SLC35E3: variants seen among roughly 807,000 people sequenced by gnomAD.
SLC35E3 encodes solute carrier family 35 member E3.
A neutral mutation model predicts 30.8 loss-of-function variants in SLC35E3; 28 were observed. That is an observed-to-expected ratio of 0.91 (90% CI 0.67 to 1.25). The LOEUF (loss-of-function observed/expected upper bound fraction) is 1.25, where lower values mean the gene tolerates loss of function less well. Among genes scored for constraint, SLC35E3 ranks in the 50% most tolerant of loss-of-function variants. The probability of loss-of-function intolerance (pLI) is 0.00; values close to 1 mark genes in which losing one functional copy is unlikely to be tolerated. For missense variants in SLC35E3, 365 were observed against 375.4 expected, an observed-to-expected ratio of 0.97 and a Z score of 0.23; for synonymous variants, 146 against 149.2, an observed-to-expected ratio of 0.98 and a Z score of 0.16.
rs1043949268 is a variant in SLC35E3 at position 68,771,972 on chromosome 12, A to G, written c.*7082A>G. The G allele has an allele frequency of 2.0e-5, 3 of 152,162 alleles. No individual in the cohort carries two copies. The East Asian group carries it at 5.8e-4, about 29-fold the overall frequency. The allele number at this position is 152,162 out of a possible 1,614,324, so 9.4% of individuals were successfully genotyped here. On this transcript the variant is annotated 3_prime_UTR_variant, in exon 5 of 5. Coordinates refer to ENST00000398004, the MANE Select transcript of SLC35E3 (RefSeq NM_018656.5). ...AAATTATAATTTCTCATTTGCTTATAATAAAAGTAGATTGAATAAATTAAT... is the reference window on the plus strand; with the variant it reads ...AAATTATAATTTCTCATTTGCTTATGATAAAAGTAGATTGAATAAATTAAT...
chr12:68,755,357 CTT>C (rs983305417), intron 3 of SLC35E3, among the ~76,000 whole-genome samples: 1 of 152,186 alleles, frequency 6.6e-6, no homozygotes, highest in Non-Finnish European at 1.5e-5. Context: ...GTGGGAATAT[CTT>C]TTTTGTTGGT....
Position 68,764,689 on chromosome 12 carries a change from A to T in SLC35E3, c.756-15A>T. 6.2e-7 allele frequency: 1 copy of T among 1,610,450 alleles called. No homozygotes were observed. Among genetic ancestry groups the T allele is most frequent in the Non-Finnish European group, 8.5e-7 (1 of 1,177,730 alleles). ...TATCTTGTTATTCCTTTTTATCCTT[A>T]TCCAAAAACCTCAGCTATAACATGT... is the stretch of plus-strand genomic sequence containing the variant. On this transcript the variant is annotated splice_polypyrimidine_tract_variant and intron_variant, in intron 4 of 4. Coordinates refer to ENST00000398004, the MANE Select transcript of SLC35E3 (RefSeq NM_018656.5).
Position 68,759,109 on chromosome 12 carries a change from T to A in SLC35E3, c.673-48T>A, listed in dbSNP as rs182549909. The A allele has an allele frequency of 3.2e-4, 392 of 1,214,096 alleles. 1 individual carries two copies. Among genetic ancestry groups the A allele is most frequent in the African/African-American group, 2.0e-3 (134 of 65,996 alleles). The allele number at this position is 1,214,096 out of a possible 1,614,324, so 75.2% of individuals were successfully genotyped here. A position where few individuals can be genotyped will look rare whatever the true frequency, so the allele number is the denominator to read the frequency against. ...AATGAAATGTATCTTTGCTTGATGA[T>A]TATGATTGCAGTGCTTTGCATTAAT... On this transcript the variant is annotated intron_variant, in intron 3 of 4. Coordinates refer to ENST00000398004, the MANE Select transcript of SLC35E3 (RefSeq NM_018656.5).
chr12:68,771,625 G>C lies in SLC35E3; in HGVS notation c.*6735G>C, dbSNP rs1328316661. 2.0e-5 allele frequency: 3 copies of C among 152,150 alleles called. No individual in the cohort carries two copies. Among genetic ancestry groups the C allele is most frequent in the Admixed American group, 2.0e-4 (3 of 15,276 alleles). The allele number at this position is 152,150 out of a possible 1,614,324, so 9.4% of individuals were successfully genotyped here. ...TCTTGAGCTCAGGAGTTCAAGACCA[G>C]CCTGGGCATCATGGCAAAACCCTGT... On this transcript the variant is annotated 3_prime_UTR_variant, in exon 5 of 5. Transcript: ENST00000398004.
At chr12:68,755,348 T>C (rs1391624667) in intron 3 of SLC35E3, among the ~76,000 whole-genome samples, 2 of 152,116 alleles carry the variant, frequency 1.3e-5, no homozygotes, top group Non-Finnish European at 2.9e-5. Context: ...ACACAGTCAG[T>C]GGGAATATCT....
In SLC35E3 at chr12:68,778,843, GCC is replaced by G. The variant is rs1879810922; in HGVS notation, c.*13954_*13955del. 1 of 151,882 alleles carries G rather than the reference GCC, an allele frequency of 6.6e-6. No individual in the cohort carries two copies. The highest frequency in any genetic ancestry group is 2.4e-5 in the African/African-American group (1 of 41,322). The allele number at this position is 151,882 out of a possible 1,614,324, so 9.4% of individuals were successfully genotyped here. Reference sequence around the variant, plus strand: ...CTTATGGCTGGATGCAGTGGCTCACGCCTGTAATCCCAGCACTTTGGGAGGCC... The same window carrying G: ...CTTATGGCTGGATGCAGTGGCTCACGTGTAATCCCAGCACTTTGGGAGGCC... On this transcript the variant is annotated 3_prime_UTR_variant, in exon 5 of 5. Transcript: ENST00000398004.
In SLC35E3 at chr12:68,764,824, C is replaced by T. The variant is rs767661724; in HGVS notation, c.876C>T (p.Leu292=). ...LGILCTLFGI[L]AYTHFKLSEQ... ...TTTTATGTACATTATTTGGCATTCT[C>T]GCCTATACCCACTTTAAGCTCAGTG... is the stretch of plus-strand genomic sequence containing the variant. Residue 292 remains leucine, a synonymous_variant, in exon 5 of 5, where the codon CTC becomes CTT. Coordinates refer to ENST00000398004, the MANE Select transcript of SLC35E3 (RefSeq NM_018656.5). The T allele has an allele frequency of 2.0e-5, 32 of 1,614,014 alleles. No individual in the cohort carries two copies. In the Admixed American group the frequency reaches 3.2e-4, roughly 16 times the overall value.
chr12:68,758,882 C>T (rs1317727762), intron 3 of SLC35E3, among the ~76,000 whole-genome samples: 1 of 151,640 alleles, frequency 6.6e-6, no homozygotes, highest in Non-Finnish European at 1.5e-5. Flanking sequence ...GCTGGGACTA[C>T]AGGCGCCCGC....
At chr12:68,751,465 T>A (rs1298086618) in intron 2 of SLC35E3, among the ~76,000 whole-genome samples, 1 of 152,092 alleles carries the variant, frequency 6.6e-6, no homozygotes, top group African/African-American at 2.4e-5. Context: ...CCCAGCTAAT[T>A]GTATTTTTAG....
At chr12:68,763,225 T>C (rs1463026999) in intron 4 of SLC35E3, among the ~76,000 whole-genome samples, 2 of 152,198 alleles carry the variant, frequency 1.3e-5, no homozygotes, top group Non-Finnish European at 2.9e-5. Context: ...CCCTTTTATA[T>C]AGTGAGGAAA....
chr12:68,765,117 G>C lies in SLC35E3; in HGVS notation c.*227G>C, dbSNP rs559044216. 3.2e-6 allele frequency: 1 copy of C among 312,064 alleles called. No homozygotes were observed. 19.3% of individuals were successfully genotyped at this position (312,064 alleles called of 1,614,324 possible). A position where few individuals can be genotyped will look rare whatever the true frequency, so the allele number is the denominator to read the frequency against. ...ACTAATAATACAAAATTAGCCAGGC[G>C]TGGTGGCGCATGCCTGTAATCCCAG... On this transcript the variant is annotated 3_prime_UTR_variant, in exon 5 of 5. Coordinates refer to ENST00000398004, the MANE Select transcript of SLC35E3 (RefSeq NM_018656.5).
chr12:68,758,888 C>T (rs1879134025), intron 3 of SLC35E3, among the ~76,000 whole-genome samples: 1 of 151,596 alleles, frequency 6.6e-6, no homozygotes, highest in African/African-American at 2.4e-5. Flanking sequence ...ACTACAGGCG[C>T]CCGCCACTGC....
intron 3 of SLC35E3, among the ~76,000 whole-genome samples, chr12:68,752,709 A>G (rs1032219403): frequency 9.9e-5 from 15 of 152,112 alleles, no homozygotes; most frequent in African/African-American, 3.4e-4. Context: ...CATCTCTACA[A>G]AAAATTAAGA....
rs1033822709 is a variant in SLC35E3, at chr12:68,765,031, C to T, written c.*141C>T. ...CAGCACTTTGGGAGGCCAAGGCCAG[C>T]GGATCACTTGAGGTCAGGAGTTCGA... On this transcript the variant is annotated 3_prime_UTR_variant, in exon 5 of 5. Coordinates refer to ENST00000398004, the MANE Select transcript of SLC35E3 (RefSeq NM_018656.5). The T allele has an allele frequency of 3.2e-5, 21 of 665,496 alleles. No individual in the cohort carries two copies. The highest frequency in any genetic ancestry group is 1.7e-4 in the African/African-American group (9 of 54,476). The allele number at this position is 665,496 out of a possible 1,614,324, so 41.2% of individuals were successfully genotyped here.
rs1878654656 is a variant in SLC35E3 at position 68,747,926 on chromosome 12, A to G, written c.403-4A>G. 6 of 1,466,584 alleles carry G rather than the reference A, an allele frequency of 4.1e-6. No homozygotes were observed. The highest frequency in any genetic ancestry group is 5.7e-6 in the Non-Finnish European group (6 of 1,054,368). 90.8% of individuals were successfully genotyped at this position (1,466,584 alleles called of 1,614,324 possible). On this transcript the variant is annotated splice_polypyrimidine_tract_variant and splice_region_variant and intron_variant, in intron 1 of 4. Coordinates refer to ENST00000398004, the MANE Select transcript of SLC35E3 (RefSeq NM_018656.5). The stretch of plus-strand genomic sequence containing the variant: ...GAACAACATTTACCTCTTTTTCGTT[A>G]CAGATTCCTATAACTTTAGGTGTAA...
At chr12:68,763,874 A>G (rs558015364) in intron 4 of SLC35E3, among the ~76,000 whole-genome samples, 1 of 152,318 alleles carries the variant, frequency 6.6e-6, no homozygotes, top group East Asian at 1.9e-4. Flanking sequence ...ATAGCTCTGT[A>G]ATCTGGGGCA....
Position 68,780,302 on chromosome 12 carries a change from G to T in SLC35E3, c.*15412G>T, listed in dbSNP as rs1879850426. Reference sequence around the variant, plus strand: ...TCCCGCCTCAGCCTCCCAAGTAGCTGGGACTACAGGCATGCACCACCACAC... The same window carrying T: ...TCCCGCCTCAGCCTCCCAAGTAGCTTGGACTACAGGCATGCACCACCACAC... On this transcript the variant is annotated 3_prime_UTR_variant, in exon 5 of 5. Transcript: ENST00000398004. 1 of 151,928 alleles carries T rather than the reference G, an allele frequency of 6.6e-6. No individual in the cohort carries two copies. The highest frequency in any genetic ancestry group is 1.5e-5 in the Non-Finnish European group (1 of 68,026). The allele number at this position is 151,928 out of a possible 1,614,324, so 9.4% of individuals were successfully genotyped here. A position where few individuals can be genotyped will look rare whatever the true frequency, so the allele number is the denominator to read the frequency against.
rs1430189639 is a variant in SLC35E3, at chr12:68,766,946, T to C, written c.*2056T>C. ...CTAGCCCGTACATTTGAGGCTTCCA[T>C]GGAGCTTTCTGTGGTACTGAAACAC... On this transcript the variant is annotated 3_prime_UTR_variant, in exon 5 of 5. Coordinates refer to ENST00000398004, the MANE Select transcript of SLC35E3 (RefSeq NM_018656.5). 2.3e-5 allele frequency: 6 copies of C among 263,304 alleles called. No individual in the cohort carries two copies. Among genetic ancestry groups the C allele is most frequent in the Non-Finnish European group, 4.8e-5 (6 of 124,676 alleles). The allele number at this position is 263,304 out of a possible 1,614,324, so 16.3% of individuals were successfully genotyped here.
rs764255065 is a variant in SLC35E3 at position 68,746,553 on chromosome 12, A to G, written c.176A>G (p.Tyr59Cys). ...TTCGTGGTCACCTGGCTGGGCTTGT[A>G]TATCTGCCAGAAGCTGGACATCTTT... Reference protein sequence around the residue: ...VHFVVTWLGLYICQKLDIFAP... With the variant: ...VHFVVTWLGLCICQKLDIFAP... The change falls in exon 1 of 5, where the codon TAT becomes TGT. Residue 59 changes from tyrosine (Y) to cysteine (C), a missense_variant. By Grantham distance (194) the Tyr-to-Cys change is radical. Transcript: ENST00000398004. 5.6e-6 allele frequency: 9 copies of G among 1,614,218 alleles called. No individual in the cohort carries two copies. The Admixed American group carries it at 1.2e-4, about 21-fold the overall frequency.
Sources: gnomAD v4.1 joint callset for allele counts (sites outside exome capture counted in the v4.1 genomes callset) on GRCh38, gnomAD v4.1.1 for gene constraint, MANE v1.5 for transcripts, NCBI Gene and HGNC (gene_info 2026-07-23, HGNC 2026-07-21) for gene names.